ADCY8: variants seen among roughly 807,000 people sequenced by gnomAD.
ADCY8 encodes the protein adenylate cyclase 8, also known as adenylate cyclase type 8.
In ADCY8, 51 loss-of-function variants were observed where a neutral mutation model predicts 119.7. The observed-to-expected ratio is 0.43, with a 90% CI of 0.34 to 0.54. ADCY8 has a LOEUF of 0.54. ADCY8 is among the 20% of genes least tolerant of loss of function. ADCY8 has a pLI of 0.03. For synonymous variants in ADCY8, 665 were observed against 651.0 expected (o/e 1.02, Z -0.33); for missense variants, 1,383 against 1,598.8 (o/e 0.87, Z 2.30).
intron 12 of ADCY8, among the ~76,000 whole-genome samples, chr8:130,825,146 G>A (rs1816634157): frequency 6.6e-6 from 1 of 152,150 alleles, no homozygotes; most frequent in South Asian, 2.1e-4. Flanking sequence ...ATCAAAGCAG[G>A]TTAATTAGCA....
intron 12 of ADCY8, 40 bp from the exon 13 acceptor site, chr8:130,821,460 T>C (rs780763478): frequency 7.4e-5 from 112 of 1,507,154 alleles, no homozygotes; most frequent in Non-Finnish European, 9.8e-5. Context: ...ATGGGGGGAC[T>C]TCAAGGAGAC....
intron 5 of ADCY8, among the ~76,000 whole-genome samples, chr8:130,923,287 AAAAAT>A (rs1820370140): frequency 6.6e-6 from 1 of 152,186 alleles, no homozygotes. Flanking sequence ...AAAAATAGAA[AAAAAT>A]AAAATGTAAC....
At chr8:130,996,824 T>A (rs554683879) in intron 1 of ADCY8, among the ~76,000 whole-genome samples, 1 of 152,312 alleles carries the variant, frequency 6.6e-6, no homozygotes, top group Admixed American at 6.5e-5. Context: ...AAAACCAATC[T>A]GATACCTTGC....
chr8:130,937,210 A>C lies in ADCY8; in HGVS notation c.1354-10T>G. The C allele has an allele frequency of 3.1e-6, 5 of 1,612,470 alleles. No individual in the cohort carries two copies. The highest frequency in any genetic ancestry group is 4.2e-6 in the Non-Finnish European group (5 of 1,179,124). ...GAAGGCAGTGATGCTCCTGGAAGGA[A>C]CAGGATAAGAGGGAAAGGTCTATGT... On this transcript the variant is annotated splice_polypyrimidine_tract_variant and intron_variant, in intron 4 of 17. Transcript: ENST00000286355.
chr8:130,850,787 C>T (rs892986007), intron 9 of ADCY8, among the ~76,000 whole-genome samples: 1 of 152,190 alleles, frequency 6.6e-6, no homozygotes, highest in African/African-American at 2.4e-5. Context: ...CTTTTCCTAA[C>T]ACCATCTCTT....
At chr8:130,809,769 A>G (rs1416162700) in intron 14 of ADCY8, among the ~76,000 whole-genome samples, 1 of 152,190 alleles carries the variant, frequency 6.6e-6, no homozygotes, top group Non-Finnish European at 1.5e-5. Flanking sequence ...TATTTGGAAC[A>G]CCTCAAAAGG....
intron 12 of ADCY8, among the ~76,000 whole-genome samples, chr8:130,824,486 A>G (rs544463196): frequency 6.6e-6 from 1 of 152,350 alleles, no homozygotes; most frequent in South Asian, 2.1e-4. Flanking sequence ...CCTACTTATA[A>G]TTGCTTGCCC....
chr8:130,921,546 C>T (rs765185626), intron 5 of ADCY8, among the ~76,000 whole-genome samples: 46 of 151,374 alleles, frequency 3.0e-4, no homozygotes, highest in Non-Finnish European at 6.0e-4. Context: ...CTCTGCCTCC[C>T]GGGTTCCAGC....
chr8:130,970,948 G>T (rs556227254), intron 2 of ADCY8, among the ~76,000 whole-genome samples: 1 of 152,306 alleles, frequency 6.6e-6, no homozygotes, highest in South Asian at 2.1e-4. Context: ...GTGACAGATT[G>T]GCTATGAGGG....
chr8:130,835,501 C>T (rs538478626), intron 12 of ADCY8, among the ~76,000 whole-genome samples: 1 of 152,328 alleles, frequency 6.6e-6, no homozygotes, highest in East Asian at 1.9e-4. Flanking sequence ...TTCTTCCTCA[C>T]TTCTCTTTTC....
chr8:130,979,576 G>A (rs1822177231), intron 2 of ADCY8, among the ~76,000 whole-genome samples: 1 of 152,166 alleles, frequency 6.6e-6, no homozygotes, highest in African/African-American at 2.4e-5. Context: ...AGCATCCCAT[G>A]TTGAAGGACA....
intron 7 of ADCY8, among the ~76,000 whole-genome samples, chr8:130,887,293 C>T (rs932601955): frequency 3.9e-5 from 6 of 152,142 alleles, no homozygotes; most frequent in Non-Finnish European, 8.8e-5. Flanking sequence ...CCCTGCTCCT[C>T]TCCACATTCT....
At chr8:130,899,504 G>A (rs1819524069) in intron 7 of ADCY8, among the ~76,000 whole-genome samples, 1 of 152,114 alleles carries the variant, frequency 6.6e-6, no homozygotes, top group African/African-American at 2.4e-5. Flanking sequence ...TACTTAAGAG[G>A]CTGAGTTGGA....
chr8:130,948,918 G>A (rs1821189413), intron 3 of ADCY8, among the ~76,000 whole-genome samples: 1 of 152,134 alleles, frequency 6.6e-6, no homozygotes, highest in African/African-American at 2.4e-5. Flanking sequence ...CCCGAGCTGA[G>A]TTCATCTTCC....
intron 16 of ADCY8, among the ~76,000 whole-genome samples, chr8:130,784,060 G>C (rs1012627357): frequency 1.3e-5 from 2 of 152,058 alleles, no homozygotes; most frequent in African/African-American, 2.4e-5. Flanking sequence ...GTCTGTTCAG[G>C]TTGATGTAGC....
At position 130,972,606 on chromosome 8, in the gene ADCY8, C is replaced by A. The variant is rs750021734; in HGVS notation, c.1110+17787G>T. Among the ~76,000 whole-genome samples the A allele has an allele frequency of 7.2e-5, 11 of 152,244 alleles. 1 individual carries two copies. The South Asian group carries it at 1.7e-3, about 23-fold the overall frequency. On this transcript the variant is annotated intron_variant, in intron 2 of 17. Coordinates refer to ENST00000286355, the MANE Select transcript of ADCY8 (RefSeq NM_001115.3). ...GGTATTTCTTAAATGATCAAGGCAA[C>A]CAAAGTAGGGTACTTTGATATTCTC...
rs1260720800 is a variant in ADCY8 at position 130,927,251 on chromosome 8, ACTTGTTATCT to A, written c.1481+9812_1481+9821del. ...TCCTTTCCACCACCTCCTGGTCAATACTTGTTATCTCTTGACTTTTTGATAGCAGCTATTC... is the reference window on the plus strand; with the variant it reads ...TCCTTTCCACCACCTCCTGGTCAATACTTGACTTTTTGATAGCAGCTATTC... On this transcript the variant is annotated intron_variant, in intron 5 of 17. Transcript: ENST00000286355. Among the ~76,000 whole-genome samples, 9 of 152,258 alleles carry A rather than the reference ACTTGTTATCT, an allele frequency of 5.9e-5. No individual in the cohort carries two copies. The East Asian group carries it at 1.7e-3, about 29-fold the overall frequency.
chr8:130,990,594 CA>C (rs747193457), intron 1 of ADCY8, 52 bp from the exon 2 acceptor site: 9 of 1,587,214 alleles, frequency 5.7e-6, no homozygotes, highest in African/African-American at 1.4e-5. Flanking sequence ...TATTTACAAG[CA>C]ACAATAAAAT....
At chr8:130,847,810 G>A (rs1817380557) in intron 10 of ADCY8, among the ~76,000 whole-genome samples, 1 of 152,188 alleles carries the variant, frequency 6.6e-6, no homozygotes, top group Admixed American at 6.5e-5. Flanking sequence ...GAGTGTGCTT[G>A]TGGAGCTCAG....
Sources: gnomAD v4.1 joint callset for allele counts (sites outside exome capture counted in the v4.1 genomes callset) on GRCh38, gnomAD v4.1.1 for gene constraint, MANE v1.5 for transcripts, NCBI Gene and HGNC (gene_info 2026-07-23, HGNC 2026-07-21) for gene names.